Variants in SLC25A46 observed in about 807,000 individuals in gnomAD.
The protein encoded by SLC25A46 is mitochondrial outer membrane protein SLC25A46.
Under a neutral mutation model 44.6 loss-of-function variants are expected in SLC25A46, and 39 were observed. That is an observed-to-expected ratio of 0.87 (90% CI 0.68 to 1.14). The LOEUF (loss-of-function observed/expected upper bound fraction) is 1.14. SLC25A46 is among the 50% of genes most tolerant of loss of function. The pLI is 0.00. For synonymous variants in SLC25A46, 202 were observed against 185.8 expected (o/e 1.09, Z -0.71); for missense variants, 547 against 522.7 (o/e 1.05, Z -0.45).
intron 5 of SLC25A46, among the ~76,000 whole-genome samples, chr5:110,748,472 A>G (rs181434829): frequency 6.6e-6 from 1 of 152,236 alleles, no homozygotes; most frequent in African/African-American, 2.4e-5. Flanking sequence ...CTCCCCTATT[A>G]TATTGTTTTA....
intron 6 of SLC25A46, 100 bp from the exon 7 acceptor site, chr5:110,756,601 GC>G (rs1448984022): frequency 2.5e-5 from 18 of 722,640 alleles, no homozygotes; most frequent in Non-Finnish European, 3.8e-5. Flanking sequence ...GATTATTCTA[GC>G]TTGACTATAA....
At position 110,746,286 on chromosome 5, in the gene SLC25A46, G is replaced by C. The variant is rs1799816585; in HGVS notation, c.402G>C (p.Gln134His). The C allele has an allele frequency of 6.3e-7, 1 of 1,586,988 alleles. No individual in the cohort carries two copies. The highest frequency in any genetic ancestry group is 2.3e-5 in the East Asian group (1 of 42,948). ...TTTTACAGGTTAATTACCATGCTCA[G>C]CATTACCATCTCACTCCATTTACAG... is the stretch of plus-strand genomic sequence containing the variant. ...RRQCQVNYHA[Q>H]HYHLTPFTVI... is the part of the protein sequence containing the mutation. The change falls in exon 4 of 8, where the codon CAG (glutamine) becomes CAC (histidine). Residue 134 changes from glutamine (Q) to histidine (H), a missense_variant. Physicochemically the swap from Gln to His is conservative, Grantham distance 24. Coordinates refer to ENST00000355943, the MANE Select transcript of SLC25A46 (RefSeq NM_138773.4).
intron 5 of SLC25A46, among the ~76,000 whole-genome samples, chr5:110,752,552 A>G (rs1289238403): frequency 6.6e-6 from 1 of 152,170 alleles, no homozygotes; most frequent in Admixed American, 6.6e-5. Flanking sequence ...CACTGTAAAC[A>G]TCTTGTAGTT....
chr5:110,757,758 T>C (rs1417419747), intron 7 of SLC25A46, among the ~76,000 whole-genome samples: 1 of 152,130 alleles, frequency 6.6e-6, no homozygotes, highest in Non-Finnish European at 1.5e-5. Flanking sequence ...TTGTATGAGA[T>C]AGCCTCATTT....
At chr5:110,739,548 C>T (rs1799568951) in intron 1 of SLC25A46, 146 bp downstream of exon 1, 3 of 1,154,096 alleles carry the variant, frequency 2.6e-6, no homozygotes, top group Non-Finnish European at 3.5e-6. Flanking sequence ...TCCTTTGGTC[C>T]TCTGCCCCTG....
At chr5:110,750,912 G>A (rs1009751814) in intron 5 of SLC25A46, among the ~76,000 whole-genome samples, 1 of 151,996 alleles carries the variant, frequency 6.6e-6, no homozygotes, top group Non-Finnish European at 1.5e-5. Context: ...TCAGGCTACA[G>A]GGAAGAAAAA....
intron 1 of SLC25A46, chr5:110,741,658 T>G (rs1319503151): frequency 1.3e-5 from 2 of 154,410 alleles, no homozygotes; most frequent in Non-Finnish European, 2.9e-5. Context: ...TTTGTTTCAT[T>G]AGGCCAAGAC....
chr5:110,756,764 GC>G lies in SLC25A46; in HGVS notation c.678+6del, dbSNP rs1800125344. The G allele has an allele frequency of 6.6e-7, 1 of 1,511,232 alleles. No individual in the cohort carries two copies. The highest frequency in any genetic ancestry group is 1.4e-5 in the African/African-American group (1 of 69,954). The allele number at this position is 1,511,232 out of a possible 1,614,324, so 93.6% of individuals were successfully genotyped here. A position where few individuals can be genotyped will look rare whatever the true frequency, so the allele number is the denominator to read the frequency against. On this transcript the variant is annotated splice_donor_region_variant and intron_variant, in intron 7 of 7. Transcript: ENST00000355943. Reference sequence around the variant, plus strand: ...AGTCTGATTGAAACAGTGCAGGTGAGCTTTTTTTTACTGTCATTTTTTTTTT... The same window carrying G: ...AGTCTGATTGAAACAGTGCAGGTGAGTTTTTTTTACTGTCATTTTTTTTTT...
rs547263367 is a variant in SLC25A46 at position 110,742,329 on chromosome 5, A to G, written c.326+240A>G. On this transcript the variant is annotated intron_variant, in intron 2 of 7. Coordinates refer to ENST00000355943, the MANE Select transcript of SLC25A46 (RefSeq NM_138773.4). ...TTTTATAAACACAAAGTAATTTTGT[A>G]ATGAGTATTGTAACTGTTTTCATGG... is the stretch of plus-strand genomic sequence containing the variant. 7.4e-4 allele frequency among the ~76,000 whole-genome samples: 113 copies of G among 152,282 alleles called. 1 individual carries two copies. The highest frequency in any genetic ancestry group is 1.2e-3 in the Non-Finnish European group (83 of 67,966).
At chr5:110,741,773 TG>T (rs995067970) in intron 1 of SLC25A46, 9 of 284,934 alleles carry the variant, frequency 3.2e-5, no homozygotes, top group Non-Finnish European at 4.5e-5. Context: ...TTCAAAACCC[TG>T]GGCCCACACT....
upstream of SLC25A46, chr5:110,738,331 C>A (rs1799432009): frequency 2.8e-6 from 3 of 1,067,864 alleles, no homozygotes; most frequent in Middle Eastern, 3.7e-4. Flanking sequence ...GATTTCAATA[C>A]CCTGAGTGAT....
chr5:110,755,530 CA>C lies in SLC25A46; in HGVS notation c.620+15del. 1.3e-6 allele frequency: 2 copies of C among 1,548,568 alleles called. No individual in the cohort carries two copies. Among genetic ancestry groups the C allele is most frequent in the Non-Finnish European group, 1.7e-6 (2 of 1,144,200 alleles). ...CACCTTCTACTGAAATCGTAAGTAT[CA>C]AAAAATGGCATTTTTATTGGGCATT... On this transcript the variant is annotated intron_variant, in intron 6 of 7. Coordinates refer to ENST00000355943, the MANE Select transcript of SLC25A46 (RefSeq NM_138773.4).
chr5:110,763,667 A>C lies in SLC25A46; in HGVS notation c.*1885A>C, dbSNP rs1354320458. The C allele has an allele frequency of 6.6e-6, 1 of 151,856 alleles. No homozygotes were observed. Among genetic ancestry groups the C allele is most frequent in the Non-Finnish European group, 1.5e-5 (1 of 67,874 alleles). 9.4% of individuals were successfully genotyped at this position (151,856 alleles called of 1,614,324 possible). On this transcript the variant is annotated 3_prime_UTR_variant, in exon 8 of 8. Transcript: ENST00000355943. ...ATCTGTAGGATCCTTTGTTTAGCTA[A>C]AAATTAAATATTTCAGGATATTTTT... is the stretch of plus-strand genomic sequence containing the variant.
chr5:110,752,581 C>A (rs1230649995), intron 5 of SLC25A46, among the ~76,000 whole-genome samples: 1 of 152,160 alleles, frequency 6.6e-6, no homozygotes, highest in Non-Finnish European at 1.5e-5. Context: ...ACGGTTCCCT[C>A]CGAATTTGCT....
chr5:110,755,427 T>C, intron 5 of SLC25A46, 38 bp from the exon 6 acceptor site: 1 of 1,310,066 alleles, frequency 7.6e-7, no homozygotes, highest in Non-Finnish European at 1.1e-6. Context: ...TTAAATAACA[T>C]GGCTTTTGTT....
upstream of SLC25A46, chr5:110,738,988 A>G: frequency 2.1e-6 from 3 of 1,459,596 alleles, no homozygotes; most frequent in Admixed American, 2.8e-5. Context: ...CCGGGTTTCC[A>G]ACGTGACTTC....
chr5:110,756,769 T>G lies in SLC25A46; in HGVS notation c.678+10T>G, dbSNP rs760016782. 7.9e-6 allele frequency: 12 copies of G among 1,511,498 alleles called. No homozygotes were observed. The highest frequency in any genetic ancestry group is 9.7e-6 in the Non-Finnish European group (11 of 1,135,332). The allele number at this position is 1,511,498 out of a possible 1,614,324, so 93.6% of individuals were successfully genotyped here. On this transcript the variant is annotated intron_variant, in intron 7 of 7. Transcript: ENST00000355943. ...GATTGAAACAGTGCAGGTGAGCTTTTTTTTACTGTCATTTTTTTTTTATTT... is the reference window on the plus strand; with the variant it reads ...GATTGAAACAGTGCAGGTGAGCTTTGTTTTACTGTCATTTTTTTTTTATTT...
chr5:110,738,909 G>C (rs1023460884), upstream of SLC25A46: 7 of 1,322,238 alleles, frequency 5.3e-6, no homozygotes, highest in Non-Finnish European at 7.0e-6. Context: ...GGTTACCGCC[G>C]CGTCTCCCTA....
Position 110,748,176 on chromosome 5 carries a change from T to C in SLC25A46, c.476T>C (p.Leu159Pro). 6.2e-7 allele frequency: 1 copy of C among 1,613,078 alleles called. No individual in the cohort carries two copies. The highest frequency in any genetic ancestry group is 8.5e-7 in the Non-Finnish European group (1 of 1,179,194). The change falls in exon 5 of 8, where the codon CTG becomes CCG. Residue 159 changes from leucine to proline, a missense_variant. Physicochemically the swap from Leu to Pro is moderately conservative, Grantham distance 98. Coordinates refer to ENST00000355943, the MANE Select transcript of SLC25A46 (RefSeq NM_138773.4). ...SFNKTQGPRA[L>P]WKGMGSTFIV... ...TGTTCAATTTAGGGACCTAGAGCCC[T>C]GTGGAAAGGAATGGGAAGTACATTT...
Sources: gnomAD v4.1 joint callset for allele counts (sites outside exome capture counted in the v4.1 genomes callset) on GRCh38, gnomAD v4.1.1 for gene constraint, MANE v1.5 for transcripts, NCBI Gene and HGNC (gene_info 2026-07-23, HGNC 2026-07-21) for gene names.